The following UNC5D variants were observed in gnomAD, a reference collection of about 807,000 sequenced individuals.
UNC5D encodes the protein netrin receptor UNC5D.
Under a neutral mutation model 105.4 loss-of-function variants are expected in UNC5D, and 39 were observed. The ratio of observed to expected loss-of-function variants is 0.37; its 90% CI spans 0.29 to 0.48. The LOEUF (loss-of-function observed/expected upper bound fraction) is 0.48, where lower values mean the gene tolerates loss of function less well. UNC5D is among the 20% of genes least tolerant of loss of function. The pLI is 0.98. For synonymous variants in UNC5D, 452 were observed against 450.4 expected (o/e 1.00, Z -0.04); for missense variants, 991 against 1,202.4 (o/e 0.82, Z 2.60).
chr8:35,755,835 T>A (rs1191688333), intron 13 of UNC5D, among the ~76,000 whole-genome samples: 1 of 152,176 alleles, frequency 6.6e-6, no homozygotes, highest in Non-Finnish European at 1.5e-5. Flanking sequence ...CCTTGTCACA[T>A]AGAAGGCAGA....
chr8:35,659,616 G>T (rs1039767319), intron 4 of UNC5D, among the ~76,000 whole-genome samples: 1 of 152,172 alleles, frequency 6.6e-6, no homozygotes, highest in Admixed American at 6.5e-5. Context: ...ACGTATGTGC[G>T]CATGCACACC....
At chr8:35,567,076 A>G (rs1161120152) in intron 2 of UNC5D, among the ~76,000 whole-genome samples, 1 of 133,142 alleles carries the variant, frequency 7.5e-6, no homozygotes, top group South Asian at 2.4e-4. Flanking sequence ...GTAAAGTAAC[A>G]AAAAAAAAAA....
Position 35,748,615 on chromosome 8 carries a change from A to T in UNC5D, c.1855A>T (p.Thr619Ser), listed in dbSNP as rs776287291. The change falls in exon 12 of 17, where the codon ACC becomes TCC. Residue 619 changes from threonine to serine, a missense_variant. Coordinates refer to ENST00000404895, the MANE Select transcript of UNC5D (RefSeq NM_080872.4). ...GATCGTCACCACTCCCTTTGCATTG[A>T]CCATCCCGCACTGTGCAGATGTCAG... is the stretch of plus-strand genomic sequence containing the variant. ...DMIVTTPFALTIPHCADVSSE... is the reference protein window; with the variant it reads ...DMIVTTPFALSIPHCADVSSE... 6.8e-6 allele frequency: 11 copies of T among 1,613,890 alleles called. No individual in the cohort carries two copies. Among genetic ancestry groups the T allele is most frequent in the Non-Finnish European group, 8.5e-6 (10 of 1,179,948 alleles).
At chr8:35,407,520 T>C (rs545715356) in intron 1 of UNC5D, among the ~76,000 whole-genome samples, 7 of 151,768 alleles carry the variant, frequency 4.6e-5, no homozygotes, top group African/African-American at 1.7e-4. Context: ...TATGTATGTA[T>C]GTATGTATGT....
intron 4 of UNC5D, among the ~76,000 whole-genome samples, chr8:35,649,655 G>A (rs941272459): frequency 2.0e-5 from 3 of 152,106 alleles, no homozygotes; most frequent in Non-Finnish European, 4.4e-5. Context: ...ATCACCAGTG[G>A]TATGTTAATT....
chr8:35,763,787 G>T (rs1245525038), intron 14 of UNC5D, among the ~76,000 whole-genome samples: 1 of 152,130 alleles, frequency 6.6e-6, no homozygotes, highest in Non-Finnish European at 1.5e-5. Flanking sequence ...AAATAAGAAT[G>T]GAGAGAACAA....
chr8:35,792,789 T>C lies in UNC5D; in HGVS notation c.*2226T>C. 3.2e-6 allele frequency: 1 copy of C among 310,306 alleles called. No individual in the cohort carries two copies. Among genetic ancestry groups the C allele is most frequent in the Non-Finnish European group, 6.2e-6 (1 of 161,944 alleles). The allele number at this position is 310,306 out of a possible 1,614,324, so 19.2% of individuals were successfully genotyped here. ...CCCTCTTCCCTTCTAATGGGCATTA[T>C]AATTGTTTCATCTACTCTGTGAATC... On this transcript the variant is annotated 3_prime_UTR_variant, in exon 17 of 17. Coordinates refer to ENST00000404895, the MANE Select transcript of UNC5D (RefSeq NM_080872.4).
chr8:35,666,293 G>C (rs1217321146), intron 4 of UNC5D, among the ~76,000 whole-genome samples: 1 of 152,094 alleles, frequency 6.6e-6, no homozygotes, highest in Non-Finnish European at 1.5e-5. Context: ...AAGGATCGGA[G>C]TGAGGAGAAT....
chr8:35,639,897 TA>T (rs1822607059), intron 4 of UNC5D, among the ~76,000 whole-genome samples: 1 of 151,842 alleles, frequency 6.6e-6, no homozygotes. Context: ...ATTTTTTTTT[TA>T]AATTTTTTGT....
At chr8:35,777,684 A>G (rs936353763) in intron 16 of UNC5D, among the ~76,000 whole-genome samples, 2 of 152,190 alleles carry the variant, frequency 1.3e-5, no homozygotes, top group African/African-American at 4.8e-5. Flanking sequence ...GAGTCTGTAA[A>G]CAAATAGATA....
intron 1 of UNC5D, among the ~76,000 whole-genome samples, chr8:35,505,158 T>G (rs1338763281): frequency 2.0e-5 from 3 of 152,200 alleles, no homozygotes; most frequent in Non-Finnish European, 2.9e-5. Context: ...ATACACCTAC[T>G]CTGTACCCAC....
At chr8:35,683,324 G>A (rs1218898812) in intron 4 of UNC5D, among the ~76,000 whole-genome samples, 1 of 152,094 alleles carries the variant, frequency 6.6e-6, no homozygotes, top group South Asian at 2.1e-4. Flanking sequence ...GGATATTTGT[G>A]TTCTTTTCCT....
At chr8:35,276,218 G>T (rs1398616103) in intron 1 of UNC5D, among the ~76,000 whole-genome samples, 1 of 152,172 alleles carries the variant, frequency 6.6e-6, no homozygotes, top group Non-Finnish European at 1.5e-5. Flanking sequence ...CAGTAAGCTT[G>T]CCCTCTGAGT....
chr8:35,754,639 G>T (rs1219624099), intron 13 of UNC5D, among the ~76,000 whole-genome samples: 8 of 152,010 alleles, frequency 5.3e-5, no homozygotes, highest in African/African-American at 1.9e-4. Flanking sequence ...AATATAATGG[G>T]CCCACCATAG....
At chr8:35,420,935 C>G (rs1236196911) in intron 1 of UNC5D, among the ~76,000 whole-genome samples, 1 of 152,076 alleles carries the variant, frequency 6.6e-6, no homozygotes, top group Non-Finnish European at 1.5e-5. Flanking sequence ...CTGGCATTAC[C>G]AGAGACTGAC....
intron 1 of UNC5D, among the ~76,000 whole-genome samples, chr8:35,397,989 C>T (rs1371112457): frequency 6.6e-6 from 1 of 152,204 alleles, no homozygotes; most frequent in East Asian, 1.9e-4. Flanking sequence ...TGCATCTATG[C>T]TGGTCTTCTG....
intron 4 of UNC5D, among the ~76,000 whole-genome samples, chr8:35,609,851 A>G (rs1445081063): frequency 6.6e-6 from 1 of 152,128 alleles, no homozygotes; most frequent in African/African-American, 2.4e-5. Context: ...CCCCCAGTGT[A>G]TCAGCTGGCT....
intron 1 of UNC5D, among the ~76,000 whole-genome samples, chr8:35,325,488 C>A (rs1585588005): frequency 6.6e-6 from 1 of 152,030 alleles, no homozygotes; most frequent in East Asian, 1.9e-4. Flanking sequence ...GAGGGTTTGG[C>A]AGAAGGCTGT....
chr8:35,569,615 A>T (rs1381448983), intron 3 of UNC5D, among the ~76,000 whole-genome samples: 1 of 152,220 alleles, frequency 6.6e-6, no homozygotes, highest in Non-Finnish European at 1.5e-5. Flanking sequence ...TGTGAGAGCC[A>T]AGGGAAATAT....
Sources: allele counts gnomAD v4.1 joint callset (sites outside exome capture counted in the v4.1 genomes callset), GRCh38; gene constraint gnomAD v4.1.1; transcripts MANE v1.5; gene names NCBI Gene and HGNC (gene_info 2026-07-23, HGNC 2026-07-21).